Variants in NPTXR observed in about 807,000 individuals in gnomAD.
The protein encoded by NPTXR is neuronal pentraxin receptor.
Under a neutral mutation model 32.2 loss-of-function variants are expected in NPTXR, and 12 were observed. That is an observed-to-expected ratio of 0.37 (90% confidence interval 0.24 to 0.60). The LOEUF (loss-of-function observed/expected upper bound fraction) is 0.60, where lower values mean the gene tolerates loss of function less well. Among genes scored for constraint, NPTXR ranks in the 20% least tolerant of loss-of-function variants. The pLI is 0.66. For missense variants in NPTXR, 612 were observed against 682.9 expected, an observed-to-expected ratio of 0.90 and a Z score of 1.16; for synonymous variants, 323 against 315.8, an observed-to-expected ratio of 1.02 and a Z score of -0.24.
At chr22:38,824,658 G>C (rs1287480366) in intron 3 of NPTXR, among the ~76,000 whole-genome samples, 2 of 152,212 alleles carry the variant, frequency 1.3e-5, no homozygotes, top group Non-Finnish European at 2.9e-5. Flanking sequence ...AAGGACTCTA[G>C]AGCGTCCCAG....
At position 38,822,714 on chromosome 22, in the gene NPTXR, C is replaced by T. The variant is rs779005763; in HGVS notation, c.1398G>A (p.Ala466=). Residue 466 remains alanine (A), a synonymous_variant, in exon 5 of 5, where the codon GCG becomes GCA. Transcript: ENST00000333039. ...AGGGAAGGACGTTGCCCAGCAGTGG[C>T]GCAGTGCAGTTGGCAATGCCCAGGA... 39 of 1,614,144 alleles carry T rather than the reference C, an allele frequency of 2.4e-5. No homozygotes were observed. In the Admixed American group the frequency reaches 5.0e-4, roughly 21 times the overall value.
chr22:38,841,320 C>G (rs1175820739), intron 1 of NPTXR, among the ~76,000 whole-genome samples: 7 of 152,266 alleles, frequency 4.6e-5, no homozygotes, highest in Non-Finnish European at 8.8e-5. Flanking sequence ...CATGGGGAAG[C>G]CAGGGCTCCC....
At chr22:38,842,626 T>C (rs1011417185) in intron 1 of NPTXR, among the ~76,000 whole-genome samples, 3 of 152,066 alleles carry the variant, frequency 2.0e-5, no homozygotes, top group Non-Finnish European at 4.4e-5. Flanking sequence ...CTTCCAGGTG[T>C]GTGAGGCTGG....
intron 1 of NPTXR, among the ~76,000 whole-genome samples, chr22:38,842,748 T>TC (rs1193338462): frequency 1.3e-5 from 2 of 152,116 alleles, no homozygotes; most frequent in African/African-American, 2.4e-5. Flanking sequence ...GGCACTCTGT[T>TC]CCCGGCTCTG....
intron 2 of NPTXR, 70 bp from the exon 3 acceptor site, chr22:38,826,817 C>A: frequency 6.5e-7 from 1 of 1,545,032 alleles, no homozygotes; most frequent in Non-Finnish European, 8.8e-7. Flanking sequence ...ACAGGGCACA[C>A]TTCAGAAAGA....
chr22:38,836,035 A>G (rs1322084514), intron 1 of NPTXR, among the ~76,000 whole-genome samples: 4 of 152,154 alleles, frequency 2.6e-5, no homozygotes, highest in South Asian at 2.1e-4. Flanking sequence ...GCCAATAAAC[A>G]TAAGAAAAGG....
In NPTXR at chr22:38,821,384, T is replaced by A. The variant is rs1191655087; in HGVS notation, c.*1225A>T. 1.3e-5 allele frequency: 2 copies of A among 152,410 alleles called. No individual in the cohort carries two copies. The highest frequency in any genetic ancestry group is 4.8e-5 in the African/African-American group (2 of 41,538). The allele number at this position is 152,410 out of a possible 1,614,324, so 9.4% of individuals were successfully genotyped here. On this transcript the variant is annotated 3_prime_UTR_variant, in exon 5 of 5. Coordinates refer to ENST00000333039, the MANE Select transcript of NPTXR (RefSeq NM_014293.4). The stretch of plus-strand genomic sequence containing the variant: ...CTTGAACCTTGCCCTGGACTCTGAG[T>A]CTCTGCTGACCCTAACCCATGACTG...
In NPTXR at chr22:38,843,967, G is replaced by T; in HGVS notation, c.-109C>A. On this transcript the variant is annotated 5_prime_UTR_variant, in exon 1 of 5. Transcript: ENST00000333039. The surrounding 1 kb of genome is among the most constrained non-coding windows in gnomAD (Gnocchi z 5.3). The stretch of plus-strand genomic sequence containing the variant: ...GAGCGGGGCAGGCGCGGGAGCCGGA[G>T]CCGGAGCCGGAGCCGGAGCCGGAGC... The T allele has an allele frequency of 2.7e-6, 1 of 374,892 alleles. No homozygotes were observed. The highest frequency in any genetic ancestry group is 3.6e-6 in the Non-Finnish European group (1 of 274,386). 23.2% of individuals were successfully genotyped at this position (374,892 alleles called of 1,614,324 possible). A position where few individuals can be genotyped will look rare whatever the true frequency, so the allele number is the denominator to read the frequency against.
At position 38,822,275 on chromosome 22, in the gene NPTXR, A is replaced by C; in HGVS notation, c.*334T>G. On this transcript the variant is annotated 3_prime_UTR_variant, in exon 5 of 5. Transcript: ENST00000333039. ...GATAGTGGGGTCCCCCTCATACACA[A>C]TCCTACCCTACTGGGGGTGCTGTCA... 1 of 351,936 alleles carries C rather than the reference A, an allele frequency of 2.8e-6. No individual in the cohort carries two copies. The highest frequency in any genetic ancestry group is 5.5e-6 in the Non-Finnish European group (1 of 183,134). The allele number at this position is 351,936 out of a possible 1,614,324, so 21.8% of individuals were successfully genotyped here. A position where few individuals can be genotyped will look rare whatever the true frequency, so the allele number is the denominator to read the frequency against.
chr22:38,839,903 T>G (rs2093129552), intron 1 of NPTXR, among the ~76,000 whole-genome samples: 1 of 152,146 alleles, frequency 6.6e-6, no homozygotes, highest in Admixed American at 6.6e-5. Flanking sequence ...ATTAAAATGG[T>G]AATTACACAG....
chr22:38,834,132 C>T lies in NPTXR; in HGVS notation c.625-5620G>A, dbSNP rs1347208662. On this transcript the variant is annotated intron_variant, in intron 1 of 4. Coordinates refer to ENST00000333039, the MANE Select transcript of NPTXR (RefSeq NM_014293.4). This position sits in a 1 kb window ranked among gnomAD's most constrained non-coding sequence, Gnocchi z 4.4. ...TCTCTAATGCTTGAATCTAAACCTG[C>T]GTCTCGCCCAGAGCTTCACTCAGCT... Among the ~76,000 whole-genome samples the T allele has an allele frequency of 6.6e-6, 1 of 152,120 alleles. No homozygotes were observed. Among genetic ancestry groups the T allele is most frequent in the Non-Finnish European group, 1.5e-5 (1 of 68,034 alleles).
In NPTXR at chr22:38,822,243, C is replaced by T. The variant is rs2093098812; in HGVS notation, c.*366G>A. ...ACAAGGGGGCGGGCGGCCACCCCCA[C>T]CACTGAGATAGTGGGGTCCCCCTCA... On this transcript the variant is annotated 3_prime_UTR_variant, in exon 5 of 5. Transcript: ENST00000333039. The T allele has an allele frequency of 3.8e-6, 1 of 264,554 alleles. No homozygotes were observed. Among genetic ancestry groups the T allele is most frequent in the Non-Finnish European group, 7.4e-6 (1 of 134,808 alleles). 16.4% of individuals were successfully genotyped at this position (264,554 alleles called of 1,614,324 possible).
At position 38,822,472 on chromosome 22, in the gene NPTXR, G is replaced by A. The variant is rs2093099233; in HGVS notation, c.*137C>T. 4.1e-6 allele frequency: 3 copies of A among 729,116 alleles called. No individual in the cohort carries two copies. The Admixed American group carries it at 6.7e-5, about 16-fold the overall frequency. 45.2% of individuals were successfully genotyped at this position (729,116 alleles called of 1,614,324 possible). A position where few individuals can be genotyped will look rare whatever the true frequency, so the allele number is the denominator to read the frequency against. ...GGGCATTCTGGAGGTGTGGGTACAG[G>A]TGAGGGGAAATGGGAGGCACAGCCA... On this transcript the variant is annotated 3_prime_UTR_variant, in exon 5 of 5. Coordinates refer to ENST00000333039, the MANE Select transcript of NPTXR (RefSeq NM_014293.4).
In NPTXR at chr22:38,843,760, C is replaced by A; in HGVS notation, c.99G>T (p.Ala33=). The A allele has an allele frequency of 1.0e-6, 1 of 1,001,302 alleles. No homozygotes were observed. The highest frequency in any genetic ancestry group is 1.2e-6 in the Non-Finnish European group (1 of 842,128). The allele number at this position is 1,001,302 out of a possible 1,614,324, so 62.0% of individuals were successfully genotyped here. A position where few individuals can be genotyped will look rare whatever the true frequency, so the allele number is the denominator to read the frequency against. ...TGTCGGCGCCGCCGGGCAGCGCCCG[C>A]GCCGGGCTGGCCGCCAGGGGCACGC... is the stretch of plus-strand genomic sequence containing the variant. Residue 33 remains alanine, a synonymous_variant, in exon 1 of 5, where the codon GCG becomes GCT. Transcript: ENST00000333039. This position sits in a 1 kb window ranked among gnomAD's most constrained non-coding sequence, Gnocchi z 5.3.
At chr22:38,824,141 TA>T (rs1174213435) in intron 3 of NPTXR, among the ~76,000 whole-genome samples, 10 of 12,202 alleles carry the variant, frequency 8.2e-4, no homozygotes, top group Non-Finnish European at 1.2e-3. Context: ...CATGCCCAGC[TA>T]TTTTTTTTTT....
chr22:38,838,682 C>T (rs995274396), intron 1 of NPTXR, among the ~76,000 whole-genome samples: 11 of 149,808 alleles, frequency 7.3e-5, no homozygotes, highest in Non-Finnish European at 1.3e-4. Context: ...CCCGGGTTCA[C>T]GTCATTCTCC....
chr22:38,823,002 C>T, intron 4 of NPTXR, 81 bp downstream of exon 4: 1 of 1,546,774 alleles, frequency 6.5e-7, no homozygotes, highest in Non-Finnish European at 8.9e-7. Context: ...GTTCCTTGGG[C>T]AGGTCTCTGA....
chr22:38,826,679 C>A lies in NPTXR; in HGVS notation c.919G>T (p.Ala307Ser). ...TCGGGCAGAGCCTTCCGCACGCGGG[C>A]GTACATGTAGTTGTTACGGATGGGG... is the stretch of plus-strand genomic sequence containing the variant. The change falls in exon 3 of 5, where the codon GCC (alanine) becomes TCC (serine). Residue 307 changes from alanine (A) to serine (S), a missense_variant. Ala to Ser is a moderately conservative substitution (Grantham distance 99). Transcript: ENST00000333039. The A allele has an allele frequency of 6.2e-7, 1 of 1,613,882 alleles. No homozygotes were observed. The highest frequency in any genetic ancestry group is 8.5e-7 in the Non-Finnish European group (1 of 1,179,844).
intron 1 of NPTXR, among the ~76,000 whole-genome samples, chr22:38,840,456 TGGA>T (rs1244165528): frequency 1.3e-5 from 2 of 151,620 alleles, no homozygotes; most frequent in Non-Finnish European, 2.9e-5. Context: ...TGGGGCTGCC[TGGA>T]GGAGGATGGA....
Sources: allele counts gnomAD v4.1 joint callset (sites outside exome capture counted in the v4.1 genomes callset), GRCh38; gene constraint gnomAD v4.1.1; non-coding constraint Gnocchi (gnomAD v3.1); transcripts MANE v1.5; gene names NCBI Gene and HGNC (gene_info 2026-07-23, HGNC 2026-07-21).